ST6GALNAC3: variants seen among roughly 807,000 people sequenced by gnomAD.
ST6GALNAC3 encodes the protein ST6 N-acetylgalactosaminide alpha-2,6-sialyltransferase 3, also known as alpha-N-acetylgalactosaminide alpha-2,6-sialyltransferase 3.
A neutral mutation model predicts 32.7 loss-of-function variants in ST6GALNAC3; 25 were observed. That is an observed-to-expected ratio of 0.76 (90% confidence interval 0.56 to 1.07). The LOEUF (loss-of-function observed/expected upper bound fraction) is 1.07. ST6GALNAC3 is among the 50% of genes least tolerant of loss of function. ST6GALNAC3 has a pLI of 0.00. For synonymous variants in ST6GALNAC3, 129 were observed against 133.1 expected (o/e 0.97, Z 0.21); for missense variants, 355 against 382.4 (o/e 0.93, Z 0.60).
chr1:76,336,395 A>G (rs896201321), intron 2 of ST6GALNAC3, among the ~76,000 whole-genome samples: 1 of 152,234 alleles, frequency 6.6e-6, no homozygotes, highest in Admixed American at 6.5e-5. Context: ...GAATCCCAAG[A>G]CAATGGTATA....
chr1:76,478,826 G>A (rs1330241247), intron 3 of ST6GALNAC3, among the ~76,000 whole-genome samples: 10 of 139,026 alleles, frequency 7.2e-5, no homozygotes, highest in Non-Finnish European at 1.1e-4. Flanking sequence ...GCAGTGGCTC[G>A]ATCTTGGCTC....
chr1:76,447,392 G>A (rs1657056177), intron 3 of ST6GALNAC3, among the ~76,000 whole-genome samples: 1 of 152,158 alleles, frequency 6.6e-6, no homozygotes, highest in Non-Finnish European at 1.5e-5. Flanking sequence ...CAGCACAACA[G>A]TTTGGAAAAT....
chr1:76,314,641 T>G (rs1324291489), intron 2 of ST6GALNAC3, among the ~76,000 whole-genome samples: 1 of 152,178 alleles, frequency 6.6e-6, no homozygotes, highest in Non-Finnish European at 1.5e-5. Context: ...AAGCAAGCAT[T>G]TGTCTCATAA....
At chr1:76,147,141 C>T (rs1175362679) in intron 1 of ST6GALNAC3, among the ~76,000 whole-genome samples, 10 of 151,072 alleles carry the variant, frequency 6.6e-5, no homozygotes, top group East Asian at 1.9e-4. Context: ...TGGCCCACTA[C>T]GACCTCTGCC....
intron 1 of ST6GALNAC3, among the ~76,000 whole-genome samples, chr1:76,164,083 A>G (rs1339046358): frequency 6.6e-6 from 1 of 152,214 alleles, no homozygotes; most frequent in East Asian, 1.9e-4. Flanking sequence ...AAACCAACAG[A>G]TGAAGAATCA....
intron 1 of ST6GALNAC3, among the ~76,000 whole-genome samples, chr1:76,218,873 A>T (rs948178784): frequency 2.0e-5 from 3 of 152,228 alleles, no homozygotes; most frequent in Admixed American, 6.5e-5. Flanking sequence ...AGTATAGACA[A>T]TAATTACTTG....
At chr1:76,475,323 A>G (rs1028387787) in intron 3 of ST6GALNAC3, among the ~76,000 whole-genome samples, 2 of 152,170 alleles carry the variant, frequency 1.3e-5, no homozygotes, top group East Asian at 1.9e-4. Flanking sequence ...TGGATACAAT[A>G]TCAACTCCTA....
chr1:76,133,910 A>G (rs2100240337), intron 1 of ST6GALNAC3, among the ~76,000 whole-genome samples: 1 of 152,246 alleles, frequency 6.6e-6, no homozygotes, highest in South Asian at 2.1e-4. Flanking sequence ...CCCGATAACC[A>G]ATGCAGGGTG....
Position 76,363,755 on chromosome 1 carries a change from C to G in ST6GALNAC3, c.214-48253C>G, listed in dbSNP as rs538134816. On this transcript the variant is annotated intron_variant, in intron 2 of 4. Coordinates refer to ENST00000328299, the MANE Select transcript of ST6GALNAC3 (RefSeq NM_152996.4). ...TCTGCTTCTGGGGAGGCCTCAGGAA[C>G]CTTACAATCATGGCGGAAAGCAAAA... Among the ~76,000 whole-genome samples the G allele has an allele frequency of 2.6e-5, 4 of 152,214 alleles. 1 individual carries two copies. Among genetic ancestry groups the G allele is most frequent in the Admixed American group, 1.3e-4 (2 of 15,282 alleles).
At chr1:76,528,563 T>C (rs1297184343) in intron 3 of ST6GALNAC3, among the ~76,000 whole-genome samples, 5 of 152,074 alleles carry the variant, frequency 3.3e-5, no homozygotes, top group African/African-American at 1.2e-4. Flanking sequence ...TTGGATATGA[T>C]TTTTGTGTCA....
intron 3 of ST6GALNAC3, among the ~76,000 whole-genome samples, chr1:76,570,868 C>T (rs1665819549): frequency 6.6e-6 from 1 of 151,938 alleles, no homozygotes; most frequent in Admixed American, 6.6e-5. Context: ...TGATTTCATA[C>T]AGGCCCATGT....
At chr1:76,109,478 C>A (rs564509966) in intron 1 of ST6GALNAC3, among the ~76,000 whole-genome samples, 1 of 152,334 alleles carries the variant, frequency 6.6e-6, no homozygotes, top group South Asian at 2.1e-4. Flanking sequence ...AGTTATTCTG[C>A]AATATTCCAT....
In ST6GALNAC3 at chr1:76,630,880, A is replaced by C. The variant is rs945845250; in HGVS notation, c.*2074A>C. 5.1e-6 allele frequency: 5 copies of C among 985,590 alleles called. No individual in the cohort carries two copies. In the African/African-American group the frequency reaches 5.2e-5, roughly 10 times the overall value. 61.1% of individuals were successfully genotyped at this position (985,590 alleles called of 1,614,324 possible). A position where few individuals can be genotyped will look rare whatever the true frequency, so the allele number is the denominator to read the frequency against. ...AAAAATAAACAGAGACAAATGTTAA[A>C]ATTGCCATACAGACTGTTTTTCCCC... is the stretch of plus-strand genomic sequence containing the variant. On this transcript the variant is annotated 3_prime_UTR_variant, in exon 5 of 5. Transcript: ENST00000328299.
chr1:76,437,262 C>A (rs1289556753), intron 3 of ST6GALNAC3, among the ~76,000 whole-genome samples: 1 of 152,088 alleles, frequency 6.6e-6, no homozygotes, highest in Non-Finnish European at 1.5e-5. Flanking sequence ...GAGATCGTGT[C>A]CTTGGAAGAT....
chr1:76,208,318 A>G (rs1197260100), intron 1 of ST6GALNAC3, among the ~76,000 whole-genome samples: 3 of 152,262 alleles, frequency 2.0e-5, no homozygotes, highest in Non-Finnish European at 4.4e-5. Flanking sequence ...TGCTTTGCAA[A>G]TGATGAGATG....
rs573153477 is a variant in ST6GALNAC3, at chr1:76,175,232, G to A, written c.18+100348G>A. 2.0e-3 allele frequency among the ~76,000 whole-genome samples: 305 copies of A among 152,144 alleles called. 1 individual carries two copies. Among genetic ancestry groups the A allele is most frequent in the Middle Eastern group, 0.014 (4 of 292 alleles). Reference sequence around the variant, plus strand: ...AAGACTTTAGACATGTATAACCAAAGTGCCCCAGCAAGAGATTGTAATCCG... The same window carrying A: ...AAGACTTTAGACATGTATAACCAAAATGCCCCAGCAAGAGATTGTAATCCG... On this transcript the variant is annotated intron_variant, in intron 1 of 4. Coordinates refer to ENST00000328299, the MANE Select transcript of ST6GALNAC3 (RefSeq NM_152996.4).
intron 3 of ST6GALNAC3, among the ~76,000 whole-genome samples, chr1:76,492,518 G>C: frequency 6.6e-6 from 1 of 152,144 alleles, no homozygotes; most frequent in East Asian, 1.9e-4. Context: ...AAAACTGATT[G>C]ACAGTCGCTT....
chr1:76,259,882 C>G (rs1235387285), intron 1 of ST6GALNAC3, among the ~76,000 whole-genome samples: 2 of 152,146 alleles, frequency 1.3e-5, no homozygotes, highest in African/African-American at 2.4e-5. Context: ...CCTTCATTCC[C>G]TTCATTTACA....
chr1:76,277,949 G>T lies in ST6GALNAC3; in HGVS notation c.19-35856G>T, dbSNP rs186409682. 1.9e-3 allele frequency among the ~76,000 whole-genome samples: 293 copies of T among 152,020 alleles called. 1 individual carries two copies. Among genetic ancestry groups the T allele is most frequent in the African/African-American group, 6.8e-3 (283 of 41,498 alleles). On this transcript the variant is annotated intron_variant, in intron 1 of 4. Transcript: ENST00000328299. ...CACAAGTCTCCTCCCACATTCTCAC[G>T]CCTAGACCTTATTCTTCAGGAATGT...
Sources: gnomAD v4.1 joint callset for allele counts (sites outside exome capture counted in the v4.1 genomes callset) on GRCh38, gnomAD v4.1.1 for gene constraint, MANE v1.5 for transcripts, NCBI Gene and HGNC (gene_info 2026-07-23, HGNC 2026-07-21) for gene names.